Variants in ELOVL2 observed in about 807,000 individuals in gnomAD.
ELOVL2 encodes ELOVL fatty acid elongase 2, also known as very long chain fatty acid elongase 2.
ELOVL2 carries 38 observed loss-of-function variants against 37.7 expected under a neutral mutation model. The ratio of observed to expected loss-of-function variants is 1.01; its 90% confidence interval spans 0.78 to 1.32. The LOEUF (loss-of-function observed/expected upper bound fraction) is 1.32. ELOVL2 is among the 40% of genes most tolerant of loss of function. The probability of loss-of-function intolerance (pLI) is 0.00; values close to 1 mark genes in which losing one functional copy is unlikely to be tolerated. For synonymous variants in ELOVL2, 115 were observed against 122.3 expected (o/e 0.94, Z 0.40); for missense variants, 352 against 363.6 (o/e 0.97, Z 0.26).
In ELOVL2 at chr6:10,990,377, CAG is replaced by C. The variant is rs750684897; in HGVS notation, c.569_570del (p.Ser190CysfsTer131). 35 of 1,612,652 alleles carry C rather than the reference CAG, an allele frequency of 2.2e-5. No individual in the cohort carries two copies. The highest frequency in any genetic ancestry group is 2.6e-5 in the Non-Finnish European group (31 of 1,179,476). ...HILMYSYYGL[S>X]VFPSMHKYLW... is the part of the protein sequence containing the mutation. ...AGATACTTGTGCATAGATGGAAACA[CAG>C]AAAGTCCATAGTAGGAGTACATAAG... On this transcript the variant is annotated frameshift_variant, in exon 6 of 8. Transcript: ENST00000354666. LOFTEE classifies it high-confidence loss of function.
rs560760984 is a variant in ELOVL2 at position 10,981,251 on chromosome 6, G to A, written c.*2530C>T. ...GTATTTTCATTCCCATGGGTCAGAG[G>A]AAATTTGAGAGAAAACATTCTCCAT... On this transcript the variant is annotated 3_prime_UTR_variant, in exon 8 of 8. Transcript: ENST00000354666. The A allele has an allele frequency of 2.6e-5, 4 of 152,494 alleles. No homozygotes were observed. Among genetic ancestry groups the A allele is most frequent in the African/African-American group, 9.6e-5 (4 of 41,512 alleles). The allele number at this position is 152,494 out of a possible 1,614,324, so 9.4% of individuals were successfully genotyped here. A position where few individuals can be genotyped will look rare whatever the true frequency, so the allele number is the denominator to read the frequency against.
Position 11,004,078 on chromosome 6 carries a change from G to A in ELOVL2, c.255+1294C>T, listed in dbSNP as rs1214181752. The stretch of plus-strand genomic sequence containing the variant: ...AGCCTGGGTGACACAGCAAGACTCT[G>A]CCTCAAAAAAAAAAAAAAGTTGTCA... On this transcript the variant is annotated intron_variant, in intron 3 of 7. Coordinates refer to ENST00000354666, the MANE Select transcript of ELOVL2 (RefSeq NM_017770.4). Among the ~76,000 whole-genome samples the A allele has an allele frequency of 6.8e-5, 10 of 147,996 alleles. No homozygotes were observed. The East Asian group carries it at 1.2e-3, about 17-fold the overall frequency.
intron 5 of ELOVL2, among the ~76,000 whole-genome samples, chr6:10,990,667 G>GCCC (rs372558428): frequency 0.016 from 2,329 of 142,384 alleles, 95 homozygotes; most frequent in African/African-American, 0.057. Flanking sequence ...TTTTCAGAAT[G>GCCC]CCCCCCCCCC....
rs1458218366 is a variant in ELOVL2, at chr6:11,044,186, G to A, written c.3+42C>T. The A allele has an allele frequency of 1.4e-6, 2 of 1,455,246 alleles. No individual in the cohort carries two copies. The highest frequency in any genetic ancestry group is 2.5e-4 in the Middle Eastern group (1 of 3,962). The allele number at this position is 1,455,246 out of a possible 1,614,324, so 90.1% of individuals were successfully genotyped here. On this transcript the variant is annotated intron_variant, in intron 1 of 7. Coordinates refer to ENST00000354666, the MANE Select transcript of ELOVL2 (RefSeq NM_017770.4). The surrounding 1 kb of genome is among the most constrained non-coding windows in gnomAD (Gnocchi z 5.6). ...CCGGTGCGTGGGTCCAGGAGAGAAA[G>A]AAAGCGCGGCGGTGTCGGTGGCGGC...
At chr6:10,987,110 C>A (rs1782065724) in intron 7 of ELOVL2, among the ~76,000 whole-genome samples, 1 of 152,166 alleles carries the variant, frequency 6.6e-6, no homozygotes, top group Non-Finnish European at 1.5e-5. Flanking sequence ...TCATCCATTT[C>A]TTCTAGATTT....
intron 6 of ELOVL2, among the ~76,000 whole-genome samples, chr6:10,990,041 A>G (rs542056687): frequency 6.6e-6 from 1 of 152,376 alleles, no homozygotes; most frequent in African/African-American, 2.4e-5. Flanking sequence ...CCTCATGGAA[A>G]AGTCGCAGTT....
intron 2 of ELOVL2, among the ~76,000 whole-genome samples, chr6:11,006,119 T>A (rs151017768): frequency 2.7e-4 from 41 of 152,292 alleles, no homozygotes; most frequent in Admixed American, 7.2e-4. Context: ...ATTTGCCTAG[T>A]ATCAGTAATG....
At chr6:11,009,668 G>C (rs1247594378) in intron 2 of ELOVL2, among the ~76,000 whole-genome samples, 1 of 152,206 alleles carries the variant, frequency 6.6e-6, no homozygotes, top group Non-Finnish European at 1.5e-5. Flanking sequence ...TTAAAAGATG[G>C]CTTGAGCAGC....
intron 7 of ELOVL2, among the ~76,000 whole-genome samples, chr6:10,989,391 G>A (rs1782104572): frequency 6.6e-6 from 1 of 152,162 alleles, no homozygotes; most frequent in Admixed American, 6.5e-5. Flanking sequence ...AGTGGCTCAC[G>A]CCTATAATCC....
chr6:10,992,286 A>G (rs184626864), intron 5 of ELOVL2, among the ~76,000 whole-genome samples: 1 of 152,320 alleles, frequency 6.6e-6, no homozygotes, highest in African/African-American at 2.4e-5. Flanking sequence ...TATCATCTCT[A>G]CAAGATCCTA....
rs1413053802 is a variant in ELOVL2, at chr6:10,982,827, A to T, written c.*954T>A. ...ATTCACAAGTAGGCTCACAAAAAAGAGTTGACGAATTCAGTGCCTATTTTG... is the reference window on the plus strand; with the variant it reads ...ATTCACAAGTAGGCTCACAAAAAAGTGTTGACGAATTCAGTGCCTATTTTG... On this transcript the variant is annotated 3_prime_UTR_variant, in exon 8 of 8. Transcript: ENST00000354666. 1 of 152,246 alleles carries T rather than the reference A, an allele frequency of 6.6e-6. No homozygotes were observed. 9.4% of individuals were successfully genotyped at this position (152,246 alleles called of 1,614,324 possible). A position where few individuals can be genotyped will look rare whatever the true frequency, so the allele number is the denominator to read the frequency against.
intron 1 of ELOVL2, among the ~76,000 whole-genome samples, chr6:11,035,677 G>A (rs1307855882): frequency 6.6e-6 from 1 of 152,144 alleles, no homozygotes; most frequent in African/African-American, 2.4e-5. Context: ...ATTACTAGTC[G>A]CATTATTAGA....
At chr6:10,983,957 G>T in intron 7 of ELOVL2, 51 bp from the exon 8 acceptor site, 1 of 1,517,992 alleles carries the variant, frequency 6.6e-7, no homozygotes, top group South Asian at 1.2e-5. Context: ...TATTTAATAA[G>T]ACCTTGTCTT....
In ELOVL2 at chr6:11,044,143, CG is replaced by C; in HGVS notation, c.3+84del. ...AACCCGCAGCGCCCGCGCCGGCGCC[CG>C]CTCGGCCCTTTCCCGCCCGGTGCGT... is the stretch of plus-strand genomic sequence containing the variant. On this transcript the variant is annotated intron_variant, in intron 1 of 7. Coordinates refer to ENST00000354666, the MANE Select transcript of ELOVL2 (RefSeq NM_017770.4). The surrounding 1 kb of genome is among the most constrained non-coding windows in gnomAD (Gnocchi z 5.6). 1 of 1,386,008 alleles carries C rather than the reference CG, an allele frequency of 7.2e-7. No individual in the cohort carries two copies. 85.9% of individuals were successfully genotyped at this position (1,386,008 alleles called of 1,614,324 possible). A position where few individuals can be genotyped will look rare whatever the true frequency, so the allele number is the denominator to read the frequency against.
chr6:10,989,382 G>C (rs761749972), intron 7 of ELOVL2, among the ~76,000 whole-genome samples: 1 of 152,230 alleles, frequency 6.6e-6, no homozygotes, highest in African/African-American at 2.4e-5. Flanking sequence ...GCTGGGCATA[G>C]TGGCTCACGC....
intron 3 of ELOVL2, among the ~76,000 whole-genome samples, chr6:11,001,031 T>C (rs922809024): frequency 2.0e-5 from 3 of 152,222 alleles, no homozygotes; most frequent in Admixed American, 6.5e-5. Context: ...TTGGGATTGA[T>C]TTGGATCAGG....
chr6:10,990,586 A>G (rs1782138399), intron 5 of ELOVL2, 144 bp from the exon 6 acceptor site: 2 of 710,890 alleles, frequency 2.8e-6, no homozygotes, highest in Non-Finnish European at 4.1e-6. Context: ...ACACTAATAA[A>G]TTCCCCAATT....
At chr6:11,026,174 C>G (rs1428634827) in intron 1 of ELOVL2, among the ~76,000 whole-genome samples, 2 of 152,154 alleles carry the variant, frequency 1.3e-5, no homozygotes, top group Admixed American at 1.3e-4. Flanking sequence ...CCTCAAAGGG[C>G]AGCCAAAATT....
chr6:11,020,527 T>G (rs1489526905), intron 1 of ELOVL2, among the ~76,000 whole-genome samples: 1 of 152,226 alleles, frequency 6.6e-6, no homozygotes. Flanking sequence ...CATATGGGTC[T>G]TTCCCAGATG....
Sources: gnomAD v4.1 joint callset for allele counts (sites outside exome capture counted in the v4.1 genomes callset) on GRCh38, gnomAD v4.1.1 for gene constraint, Gnocchi (gnomAD v3.1) non-coding constraint, MANE v1.5 for transcripts, NCBI Gene and HGNC (gene_info 2026-07-23, HGNC 2026-07-21) for gene names.